Variants in KCNJ6 observed in about 807,000 individuals in gnomAD.
KCNJ6 encodes the protein potassium inwardly rectifying channel subfamily J member 6.
A neutral mutation model predicts 34.2 loss-of-function variants in KCNJ6; 9 were observed. The ratio of observed to expected loss-of-function variants is 0.26; its 90% CI spans 0.16 to 0.46. KCNJ6 has a LOEUF of 0.46. KCNJ6 is among the 20% of genes least tolerant of loss of function. The pLI is 1.00. For synonymous variants in KCNJ6, 196 were observed against 207.1 expected (o/e 0.95, Z 0.46); for missense variants, 236 against 531.3 (o/e 0.44, Z 5.46).
intron 3 of KCNJ6, among the ~76,000 whole-genome samples, chr21:37,656,866 A>AT (rs1351582274): frequency 6.6e-6 from 1 of 152,036 alleles, no homozygotes; most frequent in East Asian, 1.9e-4. Context: ...ATGAGAGGAT[A>AT]TTTTCTTGTC....
In KCNJ6 at chr21:37,611,015, T is replaced by C. The variant is rs973473619; in HGVS notation, c.*14144A>G. ...GATTAAAAATTCACGAAATTGAAAA[T>C]AGGAAATCAATAAAATAAATAGAAA... On this transcript the variant is annotated 3_prime_UTR_variant, in exon 4 of 4. Coordinates refer to ENST00000609713, the MANE Select transcript of KCNJ6 (RefSeq NM_002240.5). 6.6e-6 allele frequency: 1 copy of C among 151,566 alleles called. No homozygotes were observed. Among genetic ancestry groups the C allele is most frequent in the Non-Finnish European group, 1.5e-5 (1 of 67,884 alleles). The allele number at this position is 151,566 out of a possible 1,614,324, so 9.4% of individuals were successfully genotyped here.
intron 3 of KCNJ6, among the ~76,000 whole-genome samples, chr21:37,704,226 A>T (rs1323546559): frequency 7.6e-6 from 1 of 131,030 alleles, no homozygotes; most frequent in Non-Finnish European, 1.7e-5. Flanking sequence ...GACCTCACGA[A>T]TCCTTAACAT....
At chr21:37,884,111 C>T (rs1282009337) in intron 1 of KCNJ6, among the ~76,000 whole-genome samples, 3 of 152,320 alleles carry the variant, frequency 2.0e-5, no homozygotes, top group South Asian at 4.1e-4. Context: ...CTACTTTGCT[C>T]GTGTAGAAAT....
intron 3 of KCNJ6, among the ~76,000 whole-genome samples, chr21:37,660,888 G>A (rs1193017996): frequency 1.3e-5 from 2 of 152,182 alleles, no homozygotes; most frequent in Non-Finnish European, 2.9e-5. Flanking sequence ...ATGATTTTAA[G>A]GTTGAGAAAG....
intron 2 of KCNJ6, among the ~76,000 whole-genome samples, chr21:37,743,773 A>G (rs936318682): frequency 1.3e-5 from 2 of 152,086 alleles, no homozygotes; most frequent in Non-Finnish European, 2.9e-5. Flanking sequence ...AAAAAAACAA[A>G]GACTATGACA....
intron 2 of KCNJ6, among the ~76,000 whole-genome samples, chr21:37,825,502 A>G (rs2055394559): frequency 6.6e-6 from 1 of 151,996 alleles, no homozygotes; most frequent in African/African-American, 2.4e-5. Context: ...TCAATACCTC[A>G]CTCGATCCAA....
At chr21:37,708,594 A>C (rs933534214) in intron 3 of KCNJ6, among the ~76,000 whole-genome samples, 6 of 89,494 alleles carry the variant, frequency 6.7e-5, no homozygotes, top group African/African-American at 2.7e-4. Context: ...AAATTGAAAA[A>C]AATCACTCCT....
At chr21:37,833,113 C>T (rs2055434821) in intron 2 of KCNJ6, among the ~76,000 whole-genome samples, 2 of 152,150 alleles carry the variant, frequency 1.3e-5, no homozygotes, top group African/African-American at 2.4e-5. Context: ...CTCCCGGGTT[C>T]AAGCAGTTCT....
chr21:37,646,238 A>G (rs8127519), intron 3 of KCNJ6, among the ~76,000 whole-genome samples: 23,939 of 152,138 alleles, frequency 0.16, 3,121 homozygotes, highest in African/African-American at 0.36. Context: ...TATATTTCAT[A>G]AGAAATATTT....
intron 2 of KCNJ6, among the ~76,000 whole-genome samples, chr21:37,765,416 C>T (rs372272417): frequency 2.6e-5 from 4 of 152,136 alleles, no homozygotes; most frequent in African/African-American, 7.2e-5. Context: ...TATCTGGAGG[C>T]GCCTTTGACA....
chr21:37,708,011 G>A (rs1406890615), intron 3 of KCNJ6, among the ~76,000 whole-genome samples: 1 of 152,068 alleles, frequency 6.6e-6, no homozygotes, highest in Non-Finnish European at 1.5e-5. Context: ...TTGTCCAATG[G>A]CTTTGAATTC....
intron 3 of KCNJ6, among the ~76,000 whole-genome samples, chr21:37,629,896 CAG>C (rs1448362067): frequency 7.0e-6 from 1 of 142,284 alleles, no homozygotes; most frequent in East Asian, 2.1e-4. Context: ...ATTTTTATAT[CAG>C]AACTCATTTA....
At chr21:37,891,039 C>T (rs1215510320) in intron 1 of KCNJ6, among the ~76,000 whole-genome samples, 1 of 152,208 alleles carries the variant, frequency 6.6e-6, no homozygotes, top group African/African-American at 2.4e-5. Context: ...TGAGGGTTTA[C>T]TCTGATCTCC....
chr21:37,655,125 T>G (rs1403321239), intron 3 of KCNJ6, among the ~76,000 whole-genome samples: 1 of 151,678 alleles, frequency 6.6e-6, no homozygotes, highest in Non-Finnish European at 1.5e-5. Flanking sequence ...TCAAGCTCTA[T>G]CCAAGCTAGT....
intron 3 of KCNJ6, among the ~76,000 whole-genome samples, chr21:37,664,363 C>T (rs898439324): frequency 2.0e-5 from 3 of 151,810 alleles, no homozygotes; most frequent in African/African-American, 7.3e-5. Flanking sequence ...AGAAAGTAAC[C>T]AAATAGAAAA....
At chr21:37,853,846 G>GTGTATGTATATATATATATATATATATA (rs71198897) in intron 1 of KCNJ6, among the ~76,000 whole-genome samples, 1 of 115,992 alleles carries the variant, frequency 8.6e-6, no homozygotes, top group African/African-American at 4.0e-5. Context: ...ATATATATAT[G>GTGTATGTATATATATATATATATATATA]TATATATATA....
rs752086479 is a variant in KCNJ6, at chr21:37,715,071, T to C, written c.86A>G (p.Gln29Arg). The change falls in exon 3 of 4, where the codon CAG becomes CGG. Residue 29 changes from glutamine (Q) to arginine (R), a missense_variant. Physicochemically the swap from Gln to Arg is conservative, Grantham distance 43 (BLOSUM62 1). This residue lies in a region of KCNJ6 where 64 missense variants were observed against 68.9 expected (regional missense o/e 0.93). Coordinates refer to ENST00000609713, the MANE Select transcript of KCNJ6 (RefSeq NM_002240.5). ...QDVESPVAIH[Q>R]PKLPKQARDD... is the part of the protein sequence containing the mutation. ...CCTGGCCTGCTTAGGCAACTTTGGC[T>C]GGTGAATGGCCACTGGGCTTTCGAC... 1 of 1,614,222 alleles carries C rather than the reference T, an allele frequency of 6.2e-7. No individual in the cohort carries two copies. Among genetic ancestry groups the C allele is most frequent in the South Asian group, 1.1e-5 (1 of 91,088 alleles).
chr21:37,816,012 A>G (rs999990952), intron 2 of KCNJ6, among the ~76,000 whole-genome samples: 1 of 152,112 alleles, frequency 6.6e-6, no homozygotes, highest in African/African-American at 2.4e-5. Flanking sequence ...ACCCATTTTT[A>G]GTTTCCTCAT....
At chr21:37,715,424 C>T (rs1297197974) in intron 2 of KCNJ6, among the ~76,000 whole-genome samples, 5 of 152,222 alleles carry the variant, frequency 3.3e-5, no homozygotes, top group African/African-American at 1.2e-4. Flanking sequence ...TCAGCTCTCA[C>T]AGAGGGATGC....
Sources: allele counts gnomAD v4.1 joint callset (sites outside exome capture counted in the v4.1 genomes callset), GRCh38; gene constraint gnomAD v4.1.1; regional missense constraint gnomAD v4.1.1; transcripts MANE v1.5; gene names NCBI Gene and HGNC (gene_info 2026-07-23, HGNC 2026-07-21).